Variants in CATSPER3 observed in about 807,000 individuals in gnomAD.
The protein encoded by CATSPER3 is cation channel sperm associated 3, also known as cation channel sperm-associated protein 3.
CATSPER3 carries 23 observed loss-of-function variants against 36.6 expected under a neutral mutation model. The ratio of observed to expected loss-of-function variants is 0.63; its 90% CI spans 0.45 to 0.89. The LOEUF is 0.89. Ranked by LOEUF, CATSPER3 falls within the 40% of genes least tolerant of loss-of-function variation. The pLI, the probability that CATSPER3 is intolerant of heterozygous loss-of-function variation, is 0.00. For synonymous variants in CATSPER3, 172 were observed against 184.1 expected, an observed-to-expected ratio of 0.93 and a Z score of 0.53; for missense variants, 474 against 503.9, an observed-to-expected ratio of 0.94 and a Z score of 0.57.
rs115733661 is a variant in CATSPER3, at chr5:134,992,811, T to C, written c.253-3462T>C. Among the ~76,000 whole-genome samples the C allele has an allele frequency of 3.6e-3, 549 of 152,292 alleles. 3 individuals carry two copies. Among genetic ancestry groups the C allele is most frequent in the African/African-American group, 0.012 (507 of 41,580 alleles). On this transcript the variant is annotated intron_variant, in intron 2 of 7. Coordinates refer to ENST00000282611, the MANE Select transcript of CATSPER3 (RefSeq NM_178019.3). ...TAGAACTGCATTGCTTGTGGGAGTG[T>C]AACAATGGTACAACTACTGTGGAAA...
Position 134,997,070 on chromosome 5 carries a change from C to T in CATSPER3, c.492+558C>T, listed in dbSNP as rs1423349702. On this transcript the variant is annotated intron_variant, in intron 3 of 7. Coordinates refer to ENST00000282611, the MANE Select transcript of CATSPER3 (RefSeq NM_178019.3). ...AGAGGCTTCAGAAAGAACCTCAGGG[C>T]TGCCCCCCTGCCTTGAATCGTGCCC... Among the ~76,000 whole-genome samples, 5 of 152,356 alleles carry T rather than the reference C, an allele frequency of 3.3e-5. No homozygotes were observed. In the East Asian group the frequency reaches 5.8e-4, roughly 18 times the overall value.
intron 2 of CATSPER3, among the ~76,000 whole-genome samples, chr5:134,974,296 G>A (rs538920779): frequency 6.6e-6 from 1 of 152,246 alleles, no homozygotes; most frequent in African/African-American, 2.4e-5. Context: ...AAAGGAATGG[G>A]AGACTTAAAA....
At chr5:134,969,853 G>A in intron 1 of CATSPER3, 86 bp from the exon 2 acceptor site, 1 of 1,366,630 alleles carries the variant, frequency 7.3e-7, no homozygotes, top group Non-Finnish European at 1.0e-6. Flanking sequence ...AGAAAGCAGA[G>A]CCTTGTCCCT....
chr5:134,997,468 TC>T (rs756469812), intron 3 of CATSPER3, among the ~76,000 whole-genome samples: 1 of 152,190 alleles, frequency 6.6e-6, no homozygotes, highest in African/African-American at 2.4e-5. Flanking sequence ...TGTCTGTACT[TC>T]CAGTCCCACT....
At chr5:134,982,469 A>G (rs1751761995) in intron 2 of CATSPER3, among the ~76,000 whole-genome samples, 1 of 152,228 alleles carries the variant, frequency 6.6e-6, no homozygotes, top group African/African-American at 2.4e-5. Flanking sequence ...AAGTTGTCAC[A>G]TACAAGAAAC....
chr5:135,004,912 G>C (rs1026091543), intron 3 of CATSPER3, among the ~76,000 whole-genome samples: 2 of 152,152 alleles, frequency 1.3e-5, no homozygotes, highest in Non-Finnish European at 2.9e-5. Context: ...AGGGGAACTG[G>C]GTTGTGATGT....
chr5:134,998,472 A>C (rs1234376112), intron 3 of CATSPER3, among the ~76,000 whole-genome samples: 3 of 152,182 alleles, frequency 2.0e-5, no homozygotes, highest in South Asian at 2.1e-4. Context: ...ATTTCTAGTT[A>C]TAGATCCTTG....
intron 3 of CATSPER3, among the ~76,000 whole-genome samples, chr5:135,003,966 C>T (rs1752053038): frequency 6.6e-6 from 1 of 152,248 alleles, no homozygotes; most frequent in Admixed American, 6.5e-5. Flanking sequence ...TGTCCTGCAC[C>T]CGCTGTCCGA....
rs1261072054 is a variant in CATSPER3, at chr5:135,011,590, G to A, written c.1164G>A (p.Lys388=). 6.2e-7 allele frequency: 1 copy of A among 1,614,056 alleles called. No homozygotes were observed. The highest frequency in any genetic ancestry group is 1.1e-5 in the South Asian group (1 of 91,064). ...TGCTGGAAGACTTGCCCCAGGAGAA[G>A]CCCCAGTCCTTGGAAAAGGTGGATG... ...SLMLEDLPQE[K]PQSLEKVDEK The change falls in exon 8 of 8, where the codon AAG becomes AAA. Residue 388 remains lysine, a synonymous_variant. Transcript: ENST00000282611.
At chr5:135,001,139 G>C (rs1181223013) in intron 3 of CATSPER3, among the ~76,000 whole-genome samples, 2 of 152,146 alleles carry the variant, frequency 1.3e-5, no homozygotes, top group South Asian at 2.1e-4. Context: ...TGTTCTCCTT[G>C]TTTTCAAAGA....
chr5:134,997,696 G>T (rs1751967261), intron 3 of CATSPER3, among the ~76,000 whole-genome samples: 1 of 152,130 alleles, frequency 6.6e-6, no homozygotes, highest in South Asian at 2.1e-4. Context: ...TGGTCCCTGA[G>T]TTCTCCTCCT....
At chr5:135,008,734 G>A (rs1040769955) in intron 4 of CATSPER3, 107 bp from the exon 5 acceptor site, 56 of 942,330 alleles carry the variant, frequency 5.9e-5, no homozygotes, top group African/African-American at 1.1e-4. Context: ...ACGTGGAAGC[G>A]GAGCCACCCT....
intron 2 of CATSPER3, among the ~76,000 whole-genome samples, chr5:134,985,115 G>A (rs1751793505): frequency 6.6e-6 from 1 of 152,146 alleles, no homozygotes; most frequent in Non-Finnish European, 1.5e-5. Context: ...CACTGTGCCA[G>A]GTCTGCATGC....
intron 2 of CATSPER3, among the ~76,000 whole-genome samples, chr5:134,971,716 A>G (rs1294106495): frequency 6.6e-6 from 1 of 152,190 alleles, no homozygotes; most frequent in African/African-American, 2.4e-5. Context: ...TGAACTTTCA[A>G]AGCTGACCAG....
intron 2 of CATSPER3, among the ~76,000 whole-genome samples, chr5:134,991,033 ATTATCT>A (rs987345242): frequency 6.6e-6 from 1 of 152,248 alleles, no homozygotes; most frequent in African/African-American, 2.4e-5. Flanking sequence ...AATTAAGAAA[ATTATCT>A]TTACAAGAGC....
At chr5:134,997,217 G>C (rs1043595383) in intron 3 of CATSPER3, among the ~76,000 whole-genome samples, 18 of 152,232 alleles carry the variant, frequency 1.2e-4, no homozygotes, top group African/African-American at 4.3e-4. Context: ...TGTCCTGCCG[G>C]AGGCTGCCCC....
At chr5:134,985,820 G>A (rs1751800898) in intron 2 of CATSPER3, among the ~76,000 whole-genome samples, 1 of 151,482 alleles carries the variant, frequency 6.6e-6, no homozygotes, top group African/African-American at 2.4e-5. Flanking sequence ...GATCACTTGA[G>A]CCCAGGAAGT....
intron 3 of CATSPER3, among the ~76,000 whole-genome samples, chr5:135,002,220 GA>G (rs1752028838): frequency 6.6e-6 from 1 of 152,140 alleles, no homozygotes; most frequent in Non-Finnish European, 1.5e-5. Flanking sequence ...CTTCACTTAT[GA>G]AGCTTAGTTT....
chr5:134,971,746 C>T (rs1751609970), intron 2 of CATSPER3, among the ~76,000 whole-genome samples: 1 of 152,030 alleles, frequency 6.6e-6, no homozygotes, highest in Non-Finnish European at 1.5e-5. Context: ...TTTTTAAAGA[C>T]AGGATCCCAC....
Sources: gnomAD v4.1 joint callset for allele counts (sites outside exome capture counted in the v4.1 genomes callset) on GRCh38, gnomAD v4.1.1 for gene constraint, MANE v1.5 for transcripts, NCBI Gene and HGNC (gene_info 2026-07-23, HGNC 2026-07-21) for gene names.